SEMA3D: variants seen among roughly 807,000 people sequenced by gnomAD.
SEMA3D encodes semaphorin 3D.
A neutral mutation model predicts 100.1 loss-of-function variants in SEMA3D; 84 were observed. The observed-to-expected ratio is 0.84, with a 90% CI of 0.70 to 1.01. SEMA3D has a LOEUF of 1.01. Among genes scored for constraint, SEMA3D ranks in the 50% least tolerant of loss-of-function variants. SEMA3D has a pLI of 0.00. For missense variants in SEMA3D, 875 were observed against 934.1 expected (o/e 0.94, Z 0.82); for synonymous variants, 312 against 320.7 (o/e 0.97, Z 0.29).
chr7:85,170,975 G>A (rs1260492259), intron 1 of SEMA3D, among the ~76,000 whole-genome samples: 5 of 151,966 alleles, frequency 3.3e-5, no homozygotes, highest in Non-Finnish European at 7.4e-5. Flanking sequence ...ATTGCATTTT[G>A]GATGCAAAAT....
At chr7:85,083,720 G>A (rs1205969493) in intron 4 of SEMA3D, among the ~76,000 whole-genome samples, 4 of 151,710 alleles carry the variant, frequency 2.6e-5, no homozygotes, top group Admixed American at 6.6e-5. Context: ...GGTGGCGGGC[G>A]CCTGTAGTCC....
At chr7:85,033,231 A>C (rs1194140874) in intron 12 of SEMA3D, among the ~76,000 whole-genome samples, 1 of 152,182 alleles carries the variant, frequency 6.6e-6, no homozygotes, top group Non-Finnish European at 1.5e-5. Flanking sequence ...AGTAGTCGGC[A>C]GAAGAGACCA....
At chr7:85,156,464 T>C (rs1790600843) in intron 1 of SEMA3D, among the ~76,000 whole-genome samples, 1 of 152,192 alleles carries the variant, frequency 6.6e-6, no homozygotes, top group African/African-American at 2.4e-5. Context: ...ATTCTAGAGC[T>C]TGATTCTTCC....
rs1791680319 is a variant in SEMA3D, at chr7:85,068,235, T to C, written c.545A>G (p.Lys182Arg). 1.9e-6 allele frequency: 3 copies of C among 1,609,584 alleles called. No homozygotes were observed. The highest frequency in any genetic ancestry group is 2.6e-6 in the Non-Finnish European group (3 of 1,176,042). Residue 182 changes from lysine (K) to arginine (R), a missense_variant, in exon 7 of 19, where the codon AAA (lysine) becomes AGA (arginine). Transcript: ENST00000284136. ...DTHNLESGRL[K>R]CPFDPQQPFA... Reference sequence around the variant, plus strand: ...AGGCTGCTGAGGATCGAAAGGACATTTCAGTCTGCCAGACTCCAAATTATG... The same window carrying C: ...AGGCTGCTGAGGATCGAAAGGACATCTCAGTCTGCCAGACTCCAAATTATG...
chr7:85,223,240 T>C, the SEMA3D span, among the ~76,000 whole-genome samples: 2 of 152,184 alleles, frequency 1.3e-5, no homozygotes, highest in East Asian at 1.9e-4. Flanking sequence ...GAAAACAGTA[T>C]GGAGATTCCT....
intron 6 of SEMA3D, 26 bp downstream of exon 6, chr7:85,072,936 C>A (rs776827797): frequency 6.4e-6 from 10 of 1,557,488 alleles, no homozygotes; most frequent in Admixed American, 1.9e-5. Flanking sequence ...ATAAATTATG[C>A]TTTTCATGCT....
chr7:85,208,155 A>G, the SEMA3D span, among the ~76,000 whole-genome samples: 2 of 152,070 alleles, frequency 1.3e-5, no homozygotes, highest in Non-Finnish European at 2.9e-5. Context: ...AATTGCATTT[A>G]TCAAGTAACT....
chr7:85,000,182 T>A (rs1789618194), intron 18 of SEMA3D, among the ~76,000 whole-genome samples: 1 of 152,142 alleles, frequency 6.6e-6, no homozygotes, highest in African/African-American at 2.4e-5. Context: ...AATGAAAAAC[T>A]GGAAACCATC....
chr7:85,162,252 T>G (rs1306629455), intron 1 of SEMA3D, among the ~76,000 whole-genome samples: 1 of 152,130 alleles, frequency 6.6e-6, no homozygotes, highest in Non-Finnish European at 1.5e-5. Flanking sequence ...CAACAAGTGA[T>G]CCTTCCACTG....
intron 3 of SEMA3D, among the ~76,000 whole-genome samples, chr7:85,121,516 G>T (rs1267762288): frequency 6.6e-6 from 1 of 152,078 alleles, no homozygotes; most frequent in African/African-American, 2.4e-5. Context: ...AGATCAAATT[G>T]AATATTATAA....
At chr7:85,042,563 A>G (rs1345720418) in intron 9 of SEMA3D, among the ~76,000 whole-genome samples, 3 of 151,832 alleles carry the variant, frequency 2.0e-5, no homozygotes, top group Admixed American at 2.0e-4. Context: ...CTTGAAATCA[A>G]ATCCCACCTG....
At chr7:85,141,788 G>A in intron 2 of SEMA3D, 1 of 774,312 alleles carries the variant, frequency 1.3e-6, no homozygotes, top group Non-Finnish European at 1.6e-6. Context: ...CATAAATCTG[G>A]GAAAAGGCGG....
At chr7:85,235,214 A>G in the SEMA3D span, among the ~76,000 whole-genome samples, 1 of 152,184 alleles carries the variant, frequency 6.6e-6, no homozygotes, top group Non-Finnish European at 1.5e-5. Flanking sequence ...GAAAACATAT[A>G]TATACTTATA....
chr7:85,003,471 C>G (rs760924726), intron 18 of SEMA3D, among the ~76,000 whole-genome samples: 1 of 151,912 alleles, frequency 6.6e-6, no homozygotes, highest in Non-Finnish European at 1.5e-5. Context: ...ATTGCTGTCT[C>G]ATTGGGGAAG....
chr7:85,071,763 C>T (rs1236478747), intron 6 of SEMA3D, among the ~76,000 whole-genome samples: 1 of 152,114 alleles, frequency 6.6e-6, no homozygotes, highest in African/African-American at 2.4e-5. Context: ...TATATGCAAA[C>T]ATAGAAAAGA....
chr7:85,051,072 G>T (rs1477840648), intron 9 of SEMA3D, among the ~76,000 whole-genome samples: 4 of 151,836 alleles, frequency 2.6e-5, no homozygotes, highest in African/African-American at 9.7e-5. Context: ...TGTAAACTTA[G>T]ATATCTAAGT....
intron 4 of SEMA3D, among the ~76,000 whole-genome samples, chr7:85,091,703 G>T (rs1788399746): frequency 6.6e-6 from 1 of 151,940 alleles, no homozygotes; most frequent in Non-Finnish European, 1.5e-5. Context: ...GAAACCGTGG[G>T]TCCTTAAACC....
intron 17 of SEMA3D, among the ~76,000 whole-genome samples, chr7:85,011,496 G>C (rs1459750758): frequency 6.6e-6 from 1 of 151,734 alleles, no homozygotes; most frequent in Non-Finnish European, 1.5e-5. Flanking sequence ...ATTTGACATA[G>C]CATTTATTTT....
chr7:85,001,533 TG>T (rs539234736), intron 18 of SEMA3D, among the ~76,000 whole-genome samples: 1 of 152,148 alleles, frequency 6.6e-6, no homozygotes, highest in Admixed American at 6.6e-5. Context: ...TACGTATAAT[TG>T]TTTTTTTCCC....
Sources: allele counts gnomAD v4.1 joint callset (sites outside exome capture counted in the v4.1 genomes callset), GRCh38; gene constraint gnomAD v4.1.1; transcripts MANE v1.5; gene names NCBI Gene and HGNC (gene_info 2026-07-23, HGNC 2026-07-21).